SOX6: variants seen among roughly 807,000 people sequenced by gnomAD.
SOX6 encodes the protein transcription factor SOX-6.
In SOX6, 11 loss-of-function variants were observed where a neutral mutation model predicts 97.8. That is an observed-to-expected ratio of 0.11 (90% CI 0.07 to 0.19). The LOEUF is 0.19. Among genes scored for constraint, SOX6 ranks in the 10% least tolerant of loss-of-function variants. SOX6 has a pLI of 1.00. For missense variants in SOX6, 810 were observed against 1,039.5 expected (o/e 0.78, Z 3.04); for synonymous variants, 360 against 371.4 (o/e 0.97, Z 0.35).
At chr11:16,502,847 C>G (rs1860729053) in intron 4 of SOX6, among the ~76,000 whole-genome samples, 1 of 152,114 alleles carries the variant, frequency 6.6e-6, no homozygotes. Flanking sequence ...GAGAATTAGA[C>G]ATCCAGATAT....
intron 3 of SOX6, chr11:16,318,167 A>G: frequency 2.2e-6 from 1 of 453,294 alleles, no homozygotes; most frequent in South Asian, 2.3e-5. Flanking sequence ...TTCTCTTGTT[A>G]CCTTTTTCCA....
At chr11:16,407,285 A>G (rs1472041550) in intron 1 of SOX6, among the ~76,000 whole-genome samples, 2 of 152,248 alleles carry the variant, frequency 1.3e-5, no homozygotes, top group Non-Finnish European at 1.5e-5. Flanking sequence ...ATTCTTTTGA[A>G]GTCCAAGCCC....
At position 16,109,687 on chromosome 11, in the gene SOX6, T is replaced by C. The variant is rs561834844; in HGVS notation, c.898+2116A>G. Among the ~76,000 whole-genome samples, 3 of 152,336 alleles carry C rather than the reference T, an allele frequency of 2.0e-5. No homozygotes were observed. The East Asian group carries it at 5.8e-4, about 29-fold the overall frequency. Reference sequence around the variant, plus strand: ...TCTCTACTAATAGCGTAAGAACATATAATTTTAATGAATTTTAAACACATT... The same window carrying C: ...TCTCTACTAATAGCGTAAGAACATACAATTTTAATGAATTTTAAACACATT... On this transcript the variant is annotated intron_variant, in intron 7 of 15. Transcript: ENST00000683767.
intron 6 of SOX6, among the ~76,000 whole-genome samples, chr11:16,145,250 C>T (rs1201874380): frequency 4.6e-5 from 7 of 152,130 alleles, no homozygotes; most frequent in Admixed American, 1.3e-4. Flanking sequence ...AGACAAAAAC[C>T]ACATGATTAT....
At chr11:16,599,032 A>T (rs1313673512) in intron 4 of SOX6, among the ~76,000 whole-genome samples, 1 of 152,148 alleles carries the variant, frequency 6.6e-6, no homozygotes, top group Non-Finnish European at 1.5e-5. Flanking sequence ...CTTTGAATTT[A>T]TCTTATATTT....
At chr11:16,690,073 C>T (rs886156375) in intron 3 of SOX6, among the ~76,000 whole-genome samples, 6 of 151,984 alleles carry the variant, frequency 3.9e-5, no homozygotes, top group South Asian at 2.1e-4. Flanking sequence ...TACAAATGTG[C>T]GCCACCACAC....
chr11:16,173,037 C>T (rs1032222337), intron 6 of SOX6, among the ~76,000 whole-genome samples: 8 of 151,668 alleles, frequency 5.3e-5, no homozygotes, highest in African/African-American at 9.7e-5. Flanking sequence ...CCAAAGAGGA[C>T]GTATAAGTCT....
At position 16,545,546 on chromosome 11, in the gene SOX6, G is replaced by A. The variant is rs1306235849; in HGVS notation, n.609+66535C>T. Among the ~76,000 whole-genome samples, 3 of 152,216 alleles carry A rather than the reference G, an allele frequency of 2.0e-5. No homozygotes were observed. The East Asian group carries it at 5.8e-4, about 29-fold the overall frequency. On this transcript the variant is annotated intron_variant and non_coding_transcript_variant, in intron 4 of 5. Transcript: ENST00000524520. The stretch of plus-strand genomic sequence containing the variant: ...CTGAAAGCCTTTCCTCTAATAACTG[G>A]AATAAGACAAGGATGCCCACTTTCA...
intron 1 of SOX6, among the ~76,000 whole-genome samples, chr11:16,369,084 C>T (rs1341751395): frequency 1.3e-5 from 2 of 151,572 alleles, no homozygotes; most frequent in African/African-American, 4.8e-5. Flanking sequence ...GGAAACCAAC[C>T]AAACAAAAAA....
At chr11:16,257,853 C>CACA (rs3059120) in intron 3 of SOX6, among the ~76,000 whole-genome samples, 118,405 of 151,470 alleles carry the variant, frequency 0.78, 46,407 homozygotes, top group Non-Finnish European at 0.8. Flanking sequence ...ACTCTTAAAA[C>CACA]ACAATAAGAA....
chr11:16,239,826 C>T (rs1565040547), intron 3 of SOX6, among the ~76,000 whole-genome samples: 1 of 151,954 alleles, frequency 6.6e-6, no homozygotes, highest in African/African-American at 2.4e-5. Context: ...CTGGGAGTGG[C>T]CAATCTTGTC....
At position 15,973,145 on chromosome 11, in the gene SOX6, G is replaced by T. The variant is rs75172604; in HGVS notation, c.2184-33C>A. ...GATTCAAGAAACAAAATCAGACAAG[G>T]GAGAAATATCTATATATGTGCTATG... On this transcript the variant is annotated intron_variant, in intron 15 of 15. Transcript: ENST00000683767. 2.2e-3 allele frequency: 3,584 copies of T among 1,607,222 alleles called. 74 individuals carry two copies. The African/African-American group carries it at 0.037, about 17-fold the overall frequency.
chr11:16,267,391 T>C (rs1328039392), intron 3 of SOX6, among the ~76,000 whole-genome samples: 1 of 151,516 alleles, frequency 6.6e-6, no homozygotes, highest in Non-Finnish European at 1.5e-5. Context: ...AAGGCCTGAA[T>C]ACACATTTCT....
chr11:16,032,966 C>T (rs893756386), intron 12 of SOX6, among the ~76,000 whole-genome samples: 16 of 152,154 alleles, frequency 1.1e-4, no homozygotes, highest in African/African-American at 3.6e-4. Context: ...TCTTCATTAG[C>T]TTAATTAGCC....
intron 3 of SOX6, among the ~76,000 whole-genome samples, chr11:16,298,261 G>A (rs1381638611): frequency 6.6e-6 from 1 of 152,002 alleles, no homozygotes; most frequent in Non-Finnish European, 1.5e-5. Context: ...ACAACCAGAG[G>A]GCTAGCCAAG....
intron 4 of SOX6, among the ~76,000 whole-genome samples, chr11:16,191,107 T>C (rs1400755853): frequency 6.6e-6 from 1 of 152,220 alleles, no homozygotes; most frequent in Non-Finnish European, 1.5e-5. Flanking sequence ...AGTTAAGTTT[T>C]GTTAAGGATG....
chr11:16,674,671 C>T (rs1346779861), intron 3 of SOX6, among the ~76,000 whole-genome samples: 1 of 152,200 alleles, frequency 6.6e-6, no homozygotes, highest in East Asian at 1.9e-4. Flanking sequence ...GCAGCCAAGG[C>T]TGGGCATGGT....
At chr11:15,976,511 G>A (rs1853491368) in intron 15 of SOX6, among the ~76,000 whole-genome samples, 1 of 152,144 alleles carries the variant, frequency 6.6e-6, no homozygotes, top group South Asian at 2.1e-4. Flanking sequence ...CTCACAGAGA[G>A]CAAGCATGTT....
chr11:16,061,353 A>T (rs1847948348), intron 9 of SOX6, among the ~76,000 whole-genome samples: 1 of 151,320 alleles, frequency 6.6e-6, no homozygotes, highest in Non-Finnish European at 1.5e-5. Context: ...AAAAATCTGT[A>T]CAAGGAAAAC....
Sources: allele counts gnomAD v4.1 joint callset (sites outside exome capture counted in the v4.1 genomes callset), GRCh38; gene constraint gnomAD v4.1.1; transcripts MANE v1.5; gene names NCBI Gene and HGNC (gene_info 2026-07-23, HGNC 2026-07-21).